Variants in AK4 observed in about 807,000 individuals in gnomAD.
AK4 encodes the protein adenylate kinase 4.
Under a neutral mutation model 24.6 loss-of-function variants are expected in AK4, and 13 were observed. The ratio of observed to expected loss-of-function variants is 0.53; its 90% CI spans 0.34 to 0.84. AK4 has a LOEUF of 0.84. Ranked by LOEUF, AK4 falls within the 40% of genes least tolerant of loss-of-function variation. The probability of loss-of-function intolerance (pLI) is 0.01; values close to 1 mark genes in which losing one functional copy is unlikely to be tolerated. For missense variants in AK4, 192 were observed against 288.2 expected, an observed-to-expected ratio of 0.67 and a Z score of 2.42; for synonymous variants, 88 against 107.0, an observed-to-expected ratio of 0.82 and a Z score of 1.10.
intron 3 of AK4, among the ~76,000 whole-genome samples, chr1:65,222,885 T>A (rs1652338905): frequency 1.3e-5 from 2 of 152,142 alleles, no homozygotes; most frequent in Admixed American, 6.5e-5. Context: ...CTATCTCCCC[T>A]GGTGAGTAAT....
chr1:65,159,969 C>CAAAA (rs951802334), intron 1 of AK4, among the ~76,000 whole-genome samples: 700 of 63,216 alleles, frequency 0.011, 11 homozygotes, highest in African/African-American at 0.034. Context: ...ACTATGTCTC[C>CAAAA]AAAAAAAAAA....
At chr1:65,192,020 G>T (rs1033724546) in intron 2 of AK4, among the ~76,000 whole-genome samples, 16 of 152,154 alleles carry the variant, frequency 1.1e-4, no homozygotes. Flanking sequence ...CAGGCTTTTT[G>T]AGTTTCTCAG....
At chr1:65,171,979 T>C (rs1570085578) in intron 1 of AK4, among the ~76,000 whole-genome samples, 3 of 148,700 alleles carry the variant, frequency 2.0e-5, no homozygotes, top group African/African-American at 7.3e-5. Context: ...TGAGAATTGC[T>C]TGAACCCAGG....
chr1:65,167,706 T>C (rs1650379291), intron 1 of AK4, among the ~76,000 whole-genome samples: 1 of 152,228 alleles, frequency 6.6e-6, no homozygotes, highest in Non-Finnish European at 1.5e-5. Context: ...TCTATCCAAG[T>C]GGCCATTCTG....
chr1:65,180,872 A>G (rs1327528026), intron 1 of AK4, among the ~76,000 whole-genome samples: 2 of 152,194 alleles, frequency 1.3e-5, no homozygotes, highest in Admixed American at 6.5e-5. Context: ...GGATGATACC[A>G]GGGTGAGCAA....
At chr1:65,148,771 G>A (rs1272874546) in intron 1 of AK4, among the ~76,000 whole-genome samples, 1 of 152,144 alleles carries the variant, frequency 6.6e-6, no homozygotes, top group South Asian at 2.1e-4. Flanking sequence ...AGGTGCCCAC[G>A]GCTCCTCTCC....
intron 1 of AK4, among the ~76,000 whole-genome samples, chr1:65,165,258 A>C (rs146144718): frequency 3.5e-4 from 54 of 152,284 alleles, no homozygotes; most frequent in African/African-American, 1.3e-3. Flanking sequence ...CTCTGGACAA[A>C]AGAGTTAGAG....
intron 2 of AK4, among the ~76,000 whole-genome samples, chr1:65,196,502 G>C (rs1340435223): frequency 1.3e-5 from 2 of 152,154 alleles, no homozygotes; most frequent in Non-Finnish European, 2.9e-5. Flanking sequence ...GTCTCTCTCT[G>C]TCACCCAGGC....
At chr1:65,191,578 C>T (rs1406686188) in intron 2 of AK4, among the ~76,000 whole-genome samples, 1 of 148,906 alleles carries the variant, frequency 6.7e-6, no homozygotes, top group Non-Finnish European at 1.5e-5. Context: ...ACAATGTGAA[C>T]AGGGTGAAAG....
chr1:65,219,692 C>T (rs536606128), intron 3 of AK4, among the ~76,000 whole-genome samples: 235 of 152,162 alleles, frequency 1.5e-3, no homozygotes, highest in African/African-American at 5.4e-3. Context: ...TAGCATTTTG[C>T]ATTAGTGTAG....
At chr1:65,225,963 T>C (rs1328830925) in intron 4 of AK4, 100 bp from the exon 5 acceptor site, 6 of 1,280,956 alleles carry the variant, frequency 4.7e-6, no homozygotes, top group South Asian at 2.7e-5. Flanking sequence ...GTATATGATA[T>C]AGACCATGAG....
In AK4 at chr1:65,229,418, T is replaced by C. The variant is rs1353344794; in HGVS notation, c.*3241T>C. ...TCATGGTGGTGTACACTTATGGTCC[T>C]AGTTACTCAGGAGACTTAGGCAGGA... On this transcript the variant is annotated 3_prime_UTR_variant, in exon 5 of 5. Coordinates refer to ENST00000327299, the MANE Select transcript of AK4 (RefSeq NM_013410.4). 1.3e-5 allele frequency: 2 copies of C among 152,072 alleles called. No homozygotes were observed. Among genetic ancestry groups the C allele is most frequent in the Non-Finnish European group, 2.9e-5 (2 of 68,074 alleles). 9.4% of individuals were successfully genotyped at this position (152,072 alleles called of 1,614,324 possible).
At chr1:65,171,524 C>T (rs1190604312) in intron 1 of AK4, among the ~76,000 whole-genome samples, 1 of 151,772 alleles carries the variant, frequency 6.6e-6, no homozygotes, top group Admixed American at 6.6e-5. Context: ...CCGGGCTGGT[C>T]TCAAACCCCT....
At chr1:65,179,148 TTTAG>T (rs547191815) in intron 1 of AK4, among the ~76,000 whole-genome samples, 5 of 152,162 alleles carry the variant, frequency 3.3e-5, no homozygotes, top group Admixed American at 6.5e-5. Context: ...AAACTGAGTT[TTTAG>T]TTAGTTAGAT....
intron 1 of AK4, among the ~76,000 whole-genome samples, chr1:65,151,584 T>C (rs920394193): frequency 1.3e-5 from 2 of 152,122 alleles, no homozygotes; most frequent in Non-Finnish European, 2.9e-5. Flanking sequence ...CATTGTACAA[T>C]TTCCACTCTG....
chr1:65,166,859 C>T (rs1172304059), intron 1 of AK4, among the ~76,000 whole-genome samples: 1 of 152,202 alleles, frequency 6.6e-6, no homozygotes, highest in African/African-American at 2.4e-5. Context: ...TTGGCCAGTG[C>T]AGTGGCTCAC....
chr1:65,196,130 T>A (rs1331657281), intron 2 of AK4, among the ~76,000 whole-genome samples: 1 of 152,216 alleles, frequency 6.6e-6, no homozygotes, highest in East Asian at 1.9e-4. Flanking sequence ...GGTTCCTATG[T>A]TCAGCTTTAG....
At chr1:65,172,088 TATATATATATATATA>T (rs1650550793) in intron 1 of AK4, among the ~76,000 whole-genome samples, 3 of 117,348 alleles carry the variant, frequency 2.6e-5, no homozygotes, top group South Asian at 2.9e-4. Context: ...TATATATATA[TATATATATATATATA>T]TTTAAACTCA....
chr1:65,189,941 CTGT>C (rs1441770621), intron 1 of AK4, among the ~76,000 whole-genome samples: 4 of 152,134 alleles, frequency 2.6e-5, no homozygotes, highest in African/African-American at 7.2e-5. Flanking sequence ...AGAAGTAAAG[CTGT>C]TGTTGTTTGT....
Sources: gnomAD v4.1 joint callset for allele counts (sites outside exome capture counted in the v4.1 genomes callset) on GRCh38, gnomAD v4.1.1 for gene constraint, MANE v1.5 for transcripts, NCBI Gene and HGNC (gene_info 2026-07-23, HGNC 2026-07-21) for gene names.